The following DPY19L4 variants were observed in gnomAD, a reference collection of about 807,000 sequenced individuals.
DPY19L4 encodes the protein probable C-mannosyltransferase DPY19L4.
In DPY19L4, 97 loss-of-function variants were observed where a neutral mutation model predicts 102.8. The observed-to-expected ratio is 0.94, with a 90% confidence interval of 0.80 to 1.12. The LOEUF (loss-of-function observed/expected upper bound fraction) is 1.12, where lower values mean the gene tolerates loss of function less well. Ranked by LOEUF, DPY19L4 falls within the 50% of genes most tolerant of loss-of-function variation. The pLI is 0.00. For synonymous variants in DPY19L4, 252 were observed against 283.1 expected, an observed-to-expected ratio of 0.89 and a Z score of 1.10; for missense variants, 815 against 850.4, an observed-to-expected ratio of 0.96 and a Z score of 0.52.
intron 10 of DPY19L4, among the ~76,000 whole-genome samples, chr8:94,766,158 G>A (rs1473208420): frequency 2.0e-5 from 3 of 152,220 alleles, no homozygotes; most frequent in Admixed American, 6.5e-5. Context: ...TTGATCACCT[G>A]AGGTCAGGAG....
chr8:94,741,739 C>A (rs1365335490), intron 6 of DPY19L4, among the ~76,000 whole-genome samples: 2 of 152,208 alleles, frequency 1.3e-5, no homozygotes, highest in Non-Finnish European at 2.9e-5. Flanking sequence ...ACCTTTCAGG[C>A]CGGCTCCTGA....
At chr8:94,765,024 G>T (rs539000661) in intron 8 of DPY19L4, among the ~76,000 whole-genome samples, 159 bp from the exon 9 acceptor site, 4 of 151,400 alleles carry the variant, frequency 2.6e-5, no homozygotes, top group Non-Finnish European at 5.9e-5. Flanking sequence ...CACCATGCCC[G>T]GCCAACATTA....
chr8:94,720,120 G>T, intron 1 of DPY19L4, 106 bp downstream of exon 1: 1 of 1,397,918 alleles, frequency 7.2e-7, no homozygotes, highest in South Asian at 1.5e-5. Flanking sequence ...CGCGGTCGCG[G>T]TGGCGGCCGC....
chr8:94,764,689 GTATA>G (rs1189470959), intron 8 of DPY19L4, among the ~76,000 whole-genome samples: 919 of 43,172 alleles, frequency 0.021, 24 homozygotes, highest in African/African-American at 0.03. Flanking sequence ...GTCTGTGTGT[GTATA>G]TATATATATA....
intron 7 of DPY19L4, among the ~76,000 whole-genome samples, chr8:94,760,023 A>G (rs1257413896): frequency 1.3e-5 from 2 of 152,218 alleles, no homozygotes; most frequent in African/African-American, 4.8e-5. Context: ...GTGAAAGTGA[A>G]GCCCTGTGAG....
At chr8:94,744,823 G>A in intron 6 of DPY19L4, 1 of 297,850 alleles carries the variant, frequency 3.4e-6, no homozygotes, top group South Asian at 3.4e-5. Context: ...TGGAGTAGAA[G>A]TTAAATAGAA....
Position 94,768,682 on chromosome 8 carries a change from G to A in DPY19L4, c.1334+129G>A, listed in dbSNP as rs536044892. 3.6e-4 allele frequency: 238 copies of A among 655,510 alleles called. 3 individuals are homozygous for A. The East Asian group carries it at 8.7e-3, about 24-fold the overall frequency. 40.6% of individuals were successfully genotyped at this position (655,510 alleles called of 1,614,324 possible). On this transcript the variant is annotated intron_variant, in intron 12 of 18. Coordinates refer to ENST00000414645, the MANE Select transcript of DPY19L4 (RefSeq NM_181787.3). ...CTTCTATTTCCATTCTCTTTTCATTGACATGGAAAATATCATTATAAGATG... is the reference window on the plus strand; with the variant it reads ...CTTCTATTTCCATTCTCTTTTCATTAACATGGAAAATATCATTATAAGATG...
At chr8:94,731,564 C>T (rs62524280) in intron 2 of DPY19L4, among the ~76,000 whole-genome samples, 19,877 of 151,958 alleles carry the variant, frequency 0.13, 1,384 homozygotes, top group African/African-American at 0.17. Context: ...TACAGGCATG[C>T]GCCACCACAC....
At chr8:94,733,725 ACAGACAGGGTTT>A (rs1250638483) in intron 2 of DPY19L4, among the ~76,000 whole-genome samples, 1 of 151,428 alleles carries the variant, frequency 6.6e-6, no homozygotes, top group African/African-American at 2.4e-5. Context: ...TATTTTTAGT[ACAGACAGGGTTT>A]CACCAGGTTG....
intron 6 of DPY19L4, among the ~76,000 whole-genome samples, chr8:94,747,801 C>G (rs1485448253): frequency 1.3e-5 from 2 of 151,980 alleles, no homozygotes; most frequent in Admixed American, 6.6e-5. Flanking sequence ...ACCTCATGAT[C>G]CACCCGCCTC....
At position 94,739,548 on chromosome 8, in the gene DPY19L4, G is replaced by T; in HGVS notation, c.465+14G>T. On this transcript the variant is annotated intron_variant, in intron 5 of 18. Coordinates refer to ENST00000414645, the MANE Select transcript of DPY19L4 (RefSeq NM_181787.3). Reference sequence around the variant, plus strand: ...ACTGGTAGCAATGTATGTATTTTTCGTTGGACCCTAATATTTATTTTCTCA... The same window carrying T: ...ACTGGTAGCAATGTATGTATTTTTCTTTGGACCCTAATATTTATTTTCTCA... 1 of 1,597,014 alleles carries T rather than the reference G, an allele frequency of 6.3e-7. No homozygotes were observed.
At chr8:94,751,001 A>G (rs568843334) in intron 6 of DPY19L4, among the ~76,000 whole-genome samples, 17 of 151,766 alleles carry the variant, frequency 1.1e-4, no homozygotes, top group African/African-American at 3.9e-4. Context: ...GGCTGGTCTC[A>G]AACTCCTGAC....
intron 14 of DPY19L4, 104 bp from the exon 15 acceptor site, chr8:94,780,255 A>G (rs1412000139): frequency 5.7e-6 from 5 of 870,446 alleles, no homozygotes; most frequent in South Asian, 8.1e-5. Context: ...TGAAATTTGT[A>G]TAACTATAGA....
intron 12 of DPY19L4, among the ~76,000 whole-genome samples, chr8:94,769,888 CT>C (rs368515503): frequency 0.17 from 22,860 of 130,898 alleles, 1,208 homozygotes; most frequent in Admixed American, 0.21. Context: ...TTATTCTTTT[CT>C]TTTTTTTTTT....
At chr8:94,778,330 G>A (rs529177017) in intron 14 of DPY19L4, among the ~76,000 whole-genome samples, 2 of 152,162 alleles carry the variant, frequency 1.3e-5, no homozygotes, top group East Asian at 1.9e-4. Flanking sequence ...TAATGTGAGA[G>A]GTCATCAAGA....
At chr8:94,766,252 G>A (rs1812667295) in intron 10 of DPY19L4, among the ~76,000 whole-genome samples, 1 of 152,232 alleles carries the variant, frequency 6.6e-6, no homozygotes, top group Non-Finnish European at 1.5e-5. Flanking sequence ...GCTTGCGCCT[G>A]TAATCCCAGC....
At chr8:94,763,843 G>A (rs75966409) in intron 8 of DPY19L4, among the ~76,000 whole-genome samples, 10,916 of 152,044 alleles carry the variant, frequency 0.072, 662 homozygotes, top group African/African-American at 0.16. Context: ...TGATTTTTCT[G>A]TTTTTCACAG....
At chr8:94,779,789 A>G (rs1030837323) in intron 14 of DPY19L4, among the ~76,000 whole-genome samples, 3 of 152,176 alleles carry the variant, frequency 2.0e-5, no homozygotes, top group African/African-American at 7.2e-5. Flanking sequence ...GGTTGGTATG[A>G]CTGGATCACA....
intron 14 of DPY19L4, 26 bp downstream of exon 14, chr8:94,777,812 T>C (rs1813256219): frequency 6.3e-7 from 1 of 1,587,476 alleles, no homozygotes; most frequent in Non-Finnish European, 8.6e-7. Flanking sequence ...GCATTGTTTC[T>C]CTTCTAATTA....
Sources: gnomAD v4.1 joint callset for allele counts (sites outside exome capture counted in the v4.1 genomes callset) on GRCh38, gnomAD v4.1.1 for gene constraint, MANE v1.5 for transcripts, NCBI Gene and HGNC (gene_info 2026-07-23, HGNC 2026-07-21) for gene names.